Variants in ERBB4 observed in about 807,000 individuals in gnomAD.
ERBB4 encodes the protein receptor tyrosine-protein kinase erbB-4.
Under a neutral mutation model 158.0 loss-of-function variants are expected in ERBB4, and 42 were observed. That is an observed-to-expected ratio of 0.27 (90% confidence interval 0.21 to 0.34). ERBB4 has a LOEUF of 0.34. Ranked by LOEUF, ERBB4 falls within the 10% of genes least tolerant of loss-of-function variation. The pLI is 1.00. For synonymous variants in ERBB4, 583 were observed against 558.7 expected (o/e 1.04, Z -0.61); for missense variants, 1,333 against 1,624.1 (o/e 0.82, Z 3.08).
chr2:211,587,602 G>C (rs1444231897), intron 19 of ERBB4, among the ~76,000 whole-genome samples: 1 of 151,722 alleles, frequency 6.6e-6, no homozygotes, highest in Non-Finnish European at 1.5e-5. Flanking sequence ...TTGGAATTCT[G>C]GTTTCCAGAA....
intron 2 of ERBB4, among the ~76,000 whole-genome samples, chr2:212,041,304 A>G (rs6721326): frequency 7.2e-5 from 11 of 151,958 alleles, no homozygotes; most frequent in African/African-American, 2.7e-4. Flanking sequence ...ATCTATCCAG[A>G]GGTCTTTACT....
At chr2:212,296,743 A>C (rs1164202542) in intron 1 of ERBB4, among the ~76,000 whole-genome samples, 1 of 151,998 alleles carries the variant, frequency 6.6e-6, no homozygotes, top group East Asian at 1.9e-4. Context: ...AAGAAGACAG[A>C]GACTTTTAGG....
At chr2:212,131,235 G>A (rs973231178) in intron 1 of ERBB4, among the ~76,000 whole-genome samples, 3 of 152,076 alleles carry the variant, frequency 2.0e-5, no homozygotes, top group Admixed American at 1.3e-4. Context: ...CTTACACAGC[G>A]GCCTCCTAAC....
intron 5 of ERBB4, among the ~76,000 whole-genome samples, chr2:211,734,866 T>C (rs2074550928): frequency 8.0e-6 from 1 of 125,746 alleles, no homozygotes; most frequent in African/African-American, 3.2e-5. Context: ...GCCCCTGCAG[T>C]GCAGCCACTG....
At chr2:212,334,804 T>A (rs1382589184) in intron 1 of ERBB4, among the ~76,000 whole-genome samples, 1 of 152,014 alleles carries the variant, frequency 6.6e-6, no homozygotes, top group East Asian at 1.9e-4. Context: ...ATACAGTAAT[T>A]TAAATGCTCA....
intron 20 of ERBB4, among the ~76,000 whole-genome samples, chr2:211,436,356 T>C (rs2063854403): frequency 6.6e-6 from 1 of 152,074 alleles, no homozygotes; most frequent in Non-Finnish European, 1.5e-5. Flanking sequence ...TGGGTAGGAG[T>C]GTAGATTCTG....
In ERBB4 at chr2:211,922,173, G is replaced by A. The variant is rs902292989; in HGVS notation, c.421+25257C>T. On this transcript the variant is annotated intron_variant, in intron 3 of 27. Coordinates refer to ENST00000342788, the MANE Select transcript of ERBB4 (RefSeq NM_005235.3). ...GAAAGCCCAAGAACTAAGTGGGTACGCCCTTTTGATAACTGCCCTATCACC... is the reference window on the plus strand; with the variant it reads ...GAAAGCCCAAGAACTAAGTGGGTACACCCTTTTGATAACTGCCCTATCACC... Among the ~76,000 whole-genome samples the A allele has an allele frequency of 6.6e-5, 10 of 152,200 alleles. No homozygotes were observed. The East Asian group carries it at 9.6e-4, about 15-fold the overall frequency.
At chr2:211,592,092 CA>C (rs1381484301) in intron 19 of ERBB4, among the ~76,000 whole-genome samples, 1 of 152,046 alleles carries the variant, frequency 6.6e-6, no homozygotes, top group African/African-American at 2.4e-5. Flanking sequence ...CAGAAGTCGG[CA>C]AAAAAGTTAA....
chr2:211,536,522 C>A (rs2066658829), intron 20 of ERBB4, among the ~76,000 whole-genome samples: 1 of 151,890 alleles, frequency 6.6e-6, no homozygotes, highest in Non-Finnish European at 1.5e-5. Flanking sequence ...CCCTGGAGTC[C>A]AGAGATGCCT....
chr2:211,927,683 C>T (rs575092530), intron 3 of ERBB4, among the ~76,000 whole-genome samples: 1 of 151,904 alleles, frequency 6.6e-6, no homozygotes, highest in East Asian at 1.9e-4. Context: ...ACCAGTCAAA[C>T]AATCAGGTTC....
At chr2:211,687,142 A>AT (rs2072590638) in intron 12 of ERBB4, among the ~76,000 whole-genome samples, 1 of 120,618 alleles carries the variant, frequency 8.3e-6, no homozygotes, top group Non-Finnish European at 1.8e-5. Flanking sequence ...TTAAAAAAAA[A>AT]AAAGTACAAA....
At chr2:211,665,559 G>GA in intron 14 of ERBB4, 82 bp from the exon 15 acceptor site, 1 of 1,350,084 alleles carries the variant, frequency 7.4e-7, no homozygotes, top group Non-Finnish European at 1.0e-6. Flanking sequence ...TTTAGTTACT[G>GA]AGACTTCAGT....
intron 19 of ERBB4, among the ~76,000 whole-genome samples, chr2:211,618,129 T>TA (rs1237633762): frequency 6.6e-6 from 1 of 151,952 alleles, no homozygotes; most frequent in Admixed American, 6.6e-5. Context: ...GAATTTGAAT[T>TA]AAAAAAATAA....
intron 1 of ERBB4, among the ~76,000 whole-genome samples, chr2:212,304,593 G>C (rs1287791098): frequency 1.3e-5 from 2 of 151,368 alleles, no homozygotes; most frequent in Non-Finnish European, 3.0e-5. Flanking sequence ...TATTGAAAAA[G>C]CATCAATGAG....
chr2:212,405,336 C>A (rs2091315492), intron 1 of ERBB4, among the ~76,000 whole-genome samples: 1 of 151,920 alleles, frequency 6.6e-6, no homozygotes, highest in Non-Finnish European at 1.5e-5. Flanking sequence ...GTAAAAATAA[C>A]AGAGGCCGGT....
intron 1 of ERBB4, among the ~76,000 whole-genome samples, chr2:212,499,959 A>T (rs1328500175): frequency 2.6e-5 from 4 of 152,138 alleles, no homozygotes; most frequent in African/African-American, 9.6e-5. Flanking sequence ...TCACCTGATA[A>T]GTGATTTCTC....
intron 20 of ERBB4, among the ~76,000 whole-genome samples, chr2:211,476,377 G>A (rs1431859177): frequency 6.6e-6 from 1 of 151,984 alleles, no homozygotes; most frequent in East Asian, 1.9e-4. Flanking sequence ...AGAATCACTG[G>A]GATATTTTGG....
In ERBB4 at chr2:211,552,278, G is replaced by C. The variant is rs558549631; in HGVS notation, c.2487+9625C>G. ...CCAAATTACACTAAACTTTGAAACA[G>C]TACTAATTTTCTCTGAAAATATAAA... is the stretch of plus-strand genomic sequence containing the variant. On this transcript the variant is annotated intron_variant, in intron 20 of 27. Transcript: ENST00000342788. Among the ~76,000 whole-genome samples the C allele has an allele frequency of 3.3e-5, 5 of 152,122 alleles. No homozygotes were observed. In the East Asian group the frequency reaches 7.7e-4, roughly 23 times the overall value.
chr2:212,067,471 A>G (rs2077978912), intron 2 of ERBB4, among the ~76,000 whole-genome samples: 1 of 151,976 alleles, frequency 6.6e-6, no homozygotes, highest in South Asian at 2.1e-4. Context: ...AATTCTTCTA[A>G]TTTTGTCCAA....
Sources: allele counts gnomAD v4.1 joint callset (sites outside exome capture counted in the v4.1 genomes callset), GRCh38; gene constraint gnomAD v4.1.1; transcripts MANE v1.5; gene names NCBI Gene and HGNC (gene_info 2026-07-23, HGNC 2026-07-21).